MGAT4C: variants seen among roughly 807,000 people sequenced by gnomAD.
MGAT4C encodes the protein MGAT4 family member C.
Under a neutral mutation model 40.1 loss-of-function variants are expected in MGAT4C, and 19 were observed. That is an observed-to-expected ratio of 0.47 (90% CI 0.33 to 0.70). MGAT4C has a LOEUF of 0.70. Among genes scored for constraint, MGAT4C ranks in the 30% least tolerant of loss-of-function variants. MGAT4C has a pLI of 0.02. For synonymous variants in MGAT4C, 181 were observed against 187.1 expected (o/e 0.97, Z 0.27); for missense variants, 491 against 563.2 (o/e 0.87, Z 1.30).
intron 4 of MGAT4C, among the ~76,000 whole-genome samples, chr12:86,293,354 G>A (rs1357171919): frequency 6.6e-6 from 1 of 152,070 alleles, no homozygotes; most frequent in Non-Finnish European, 1.5e-5. Flanking sequence ...ATTATTATAA[G>A]ATAATGAGCT....
At position 86,039,746 on chromosome 12, in the gene MGAT4C, A is replaced by C. The variant is rs1000670665; in HGVS notation, c.-7+9928T>G. Among the ~76,000 whole-genome samples the C allele has an allele frequency of 3.9e-5, 6 of 152,134 alleles. No individual in the cohort carries two copies. The East Asian group carries it at 9.7e-4, about 25-fold the overall frequency. On this transcript the variant is annotated intron_variant, in intron 2 of 4. Coordinates refer to ENST00000611864, the MANE Select transcript of MGAT4C (RefSeq NM_001351288.2). Reference sequence around the variant, plus strand: ...TGTTAATTTGTCAAACTCATTCTCCATCCAATTTTGTTCCCTTGCTAGCAG... The same window carrying C: ...TGTTAATTTGTCAAACTCATTCTCCCTCCAATTTTGTTCCCTTGCTAGCAG...
At chr12:86,405,292 T>A (rs1047636886) in intron 3 of MGAT4C, among the ~76,000 whole-genome samples, 1 of 151,824 alleles carries the variant, frequency 6.6e-6, no homozygotes, top group African/African-American at 2.4e-5. Context: ...AATAAGTGAG[T>A]ACAGAACAGT....
chr12:86,387,488 A>C (rs1014283302), intron 3 of MGAT4C, among the ~76,000 whole-genome samples: 3 of 152,142 alleles, frequency 2.0e-5, no homozygotes, highest in Non-Finnish European at 4.4e-5. Context: ...ATGGAAATAT[A>C]TATGCTTGGA....
chr12:86,541,837 T>C (rs974970124), intron 2 of MGAT4C, among the ~76,000 whole-genome samples: 2 of 152,222 alleles, frequency 1.3e-5, no homozygotes, highest in African/African-American at 4.8e-5. Flanking sequence ...TAGCTTTGTA[T>C]AAGCAAATCA....
intron 4 of MGAT4C, among the ~76,000 whole-genome samples, chr12:86,326,116 G>A (rs1051517681): frequency 2.6e-5 from 4 of 151,682 alleles, no homozygotes; most frequent in Admixed American, 6.6e-5. Context: ...TATTATTGGA[G>A]GATTATGTGA....
At chr12:86,822,612 CGA>C (rs1566015104) in intron 1 of MGAT4C, among the ~76,000 whole-genome samples, 2 of 150,876 alleles carry the variant, frequency 1.3e-5, no homozygotes, top group African/African-American at 4.8e-5. Context: ...CAGTGTATAA[CGA>C]TAAAAGAGTT....
intron 3 of MGAT4C, among the ~76,000 whole-genome samples, chr12:86,412,087 A>G (rs1023423049): frequency 2.0e-5 from 3 of 152,182 alleles, no homozygotes; most frequent in Admixed American, 6.5e-5. Flanking sequence ...GTATCTATGT[A>G]TGGAAACACC....
chr12:86,048,671 T>TGAC (rs1892633690), intron 2 of MGAT4C, among the ~76,000 whole-genome samples: 1 of 152,044 alleles, frequency 6.6e-6, no homozygotes, highest in African/African-American at 2.4e-5. Context: ...AGTTCCAGAA[T>TGAC]TGCTGGAAAC....
intron 2 of MGAT4C, among the ~76,000 whole-genome samples, chr12:86,040,779 C>T (rs1334331765): frequency 6.6e-6 from 1 of 152,144 alleles, no homozygotes; most frequent in Non-Finnish European, 1.5e-5. Context: ...TCCGCCCAAA[C>T]TGCTGCTGAG....
At chr12:86,540,186 T>A (rs1052419601) in intron 2 of MGAT4C, among the ~76,000 whole-genome samples, 2 of 152,174 alleles carry the variant, frequency 1.3e-5, no homozygotes, top group Non-Finnish European at 2.9e-5. Context: ...TCCATCTTGA[T>A]TAAGTGTGAC....
rs1201727802 is a variant in MGAT4C at position 86,710,088 on chromosome 12, CT to C, written c.-229+17120del. 1.1e-4 allele frequency among the ~76,000 whole-genome samples: 16 copies of C among 152,238 alleles called. No homozygotes were observed. In the East Asian group the frequency reaches 3.1e-3, roughly 29 times the overall value. On this transcript the variant is annotated intron_variant, in intron 2 of 7. Transcript: ENST00000548651. ...TTTCTACTTCTATCCCCATAAAAATCTGAAGAACTCATAAGAATTGTCAATA... is the reference window on the plus strand; with the variant it reads ...TTTCTACTTCTATCCCCATAAAAATCGAAGAACTCATAAGAATTGTCAATA...
intron 4 of MGAT4C, among the ~76,000 whole-genome samples, chr12:86,327,372 T>C (rs1954552333): frequency 6.6e-6 from 1 of 152,104 alleles, no homozygotes; most frequent in Non-Finnish European, 1.5e-5. Flanking sequence ...GCTGAGTTGA[T>C]TGATGCATAC....
intron 1 of MGAT4C, among the ~76,000 whole-genome samples, chr12:86,825,557 G>A (rs375331548): frequency 1.3e-5 from 2 of 151,294 alleles, no homozygotes; most frequent in African/African-American, 4.8e-5. Flanking sequence ...AATAGTAATG[G>A]CTATATATCA....
intron 1 of MGAT4C, among the ~76,000 whole-genome samples, chr12:86,231,259 G>A (rs961725816): frequency 2.0e-5 from 3 of 152,134 alleles, no homozygotes; most frequent in Non-Finnish European, 4.4e-5. Flanking sequence ...CTGGAGCAAA[G>A]CAATTTTTAA....
intron 4 of MGAT4C, among the ~76,000 whole-genome samples, chr12:86,288,883 T>C (rs1392300873): frequency 6.6e-6 from 1 of 152,196 alleles, no homozygotes; most frequent in Non-Finnish European, 1.5e-5. Context: ...TTGTTGATAA[T>C]CTCTTTTGCT....
At chr12:86,523,677 C>A (rs1958833363) in intron 2 of MGAT4C, among the ~76,000 whole-genome samples, 1 of 152,040 alleles carries the variant, frequency 6.6e-6, no homozygotes, top group Non-Finnish European at 1.5e-5. Context: ...CTAATTCTGT[C>A]AGTGGGGTTG....
chr12:86,028,281 G>C, intron 2 of MGAT4C: 2 of 763,104 alleles, frequency 2.6e-6, no homozygotes, highest in Non-Finnish European at 3.8e-6. Flanking sequence ...CCTAGTAATT[G>C]ACAGCATTCC....
chr12:86,696,959 GTCTT>G (rs1950271385), intron 2 of MGAT4C, among the ~76,000 whole-genome samples: 2 of 151,846 alleles, frequency 1.3e-5, no homozygotes, highest in Non-Finnish European at 2.9e-5. Flanking sequence ...CTCTCCCTCT[GTCTT>G]TCTCTCTCTG....
chr12:86,722,791 A>G (rs914799539), intron 2 of MGAT4C, among the ~76,000 whole-genome samples: 3 of 152,172 alleles, frequency 2.0e-5, no homozygotes, highest in Non-Finnish European at 4.4e-5. Flanking sequence ...CACACCTCAA[A>G]AATTAACTCT....
Sources: gnomAD v4.1 joint callset for allele counts (sites outside exome capture counted in the v4.1 genomes callset) on GRCh38, gnomAD v4.1.1 for gene constraint, MANE v1.5 for transcripts, NCBI Gene and HGNC (gene_info 2026-07-23, HGNC 2026-07-21) for gene names.